The following ARAP2 variants were observed in gnomAD, a reference collection of about 807,000 sequenced individuals.
The protein encoded by ARAP2 is arf-GAP with Rho-GAP domain, ANK repeat and PH domain-containing protein 2.
Under a neutral mutation model 194.5 loss-of-function variants are expected in ARAP2, and 148 were observed. That is an observed-to-expected ratio of 0.76 (90% confidence interval 0.67 to 0.87). The LOEUF (loss-of-function observed/expected upper bound fraction) is 0.87. Ranked by LOEUF, ARAP2 falls within the 40% of genes least tolerant of loss-of-function variation. ARAP2 has a pLI of 0.00. For synonymous variants in ARAP2, 695 were observed against 683.5 expected (o/e 1.02, Z -0.26); for missense variants, 2,128 against 1,989.7 (o/e 1.07, Z -1.32).
chr4:36,159,369 C>T lies in ARAP2; in HGVS notation c.2579G>A (p.Ser860Asn), dbSNP rs182690314. 6.2e-7 allele frequency: 1 copy of T among 1,608,814 alleles called. No individual in the cohort carries two copies. Among genetic ancestry groups the T allele is most frequent in the East Asian group, 2.2e-5 (1 of 44,708 alleles). Residue 860 changes from serine (S) to asparagine (N), a missense_variant, in exon 14 of 33, where the codon AGT becomes AAT. Physicochemically the swap from Ser to Asn is conservative, Grantham distance 46. Transcript: ENST00000303965. The part of the protein sequence containing the change: ...PYLLAKKAGQ[S>N]LQMEFLYHNK... ...ATGGTAGAGAAATTCCATTTGCAGA[C>T]TTTGCCCAGCTTTCTTGGCTAGCAG...
In ARAP2 at chr4:36,228,648, C is replaced by T. The variant is rs199740529; in HGVS notation, c.839G>A (p.Arg280Gln). The T allele has an allele frequency of 3.2e-5, 51 of 1,613,974 alleles. No individual in the cohort carries two copies. Among genetic ancestry groups the T allele is most frequent in the Admixed American group, 1.7e-4 (10 of 59,996 alleles). ...SRSKLVSRPS[R>Q]SFLLRHRPVP... ...AGGTCGATGTCTTAGCAGAAAAGATCGAGATGGTCTTGAAACCAACTTGCT... is the reference window on the plus strand; with the variant it reads ...AGGTCGATGTCTTAGCAGAAAAGATTGAGATGGTCTTGAAACCAACTTGCT... Residue 280 changes from arginine (R) to glutamine (Q), a missense_variant, in exon 2 of 33, where the codon CGA (arginine) becomes CAA (glutamine). By Grantham distance (43) the Arg-to-Gln change is conservative. Coordinates refer to ENST00000303965, the MANE Select transcript of ARAP2 (RefSeq NM_015230.4).
chr4:36,022,885 T>C (rs1027283802), intron 5 of ARAP2, among the ~76,000 whole-genome samples: 29 of 152,306 alleles, frequency 1.9e-4, no homozygotes, highest in African/African-American at 7.0e-4. Flanking sequence ...GAGTTCCCTA[T>C]ACTATTGGTG....
intron 19 of ARAP2, among the ~76,000 whole-genome samples, chr4:36,137,201 A>G (rs991611449): frequency 1.3e-5 from 2 of 151,880 alleles, no homozygotes; most frequent in African/African-American, 2.4e-5. Context: ...TGAAGGCACA[A>G]TATCTGTTTC....
intron 2 of ARAP2, among the ~76,000 whole-genome samples, chr4:36,053,208 C>T (rs1419411494): frequency 1.3e-5 from 2 of 151,928 alleles, no homozygotes; most frequent in Non-Finnish European, 2.9e-5. Flanking sequence ...GTTTTACCAT[C>T]TTGGCCAGGC....
chr4:36,133,480 C>T lies in ARAP2; in HGVS notation c.3264-91G>A, dbSNP rs1336420547. On this transcript the variant is annotated intron_variant, in intron 19 of 32. Transcript: ENST00000303965. ...CAGATTACCCTAAAATCCACACAAT[C>T]ATGCAAGACAAACTCTTCTTTTATC... 5 of 1,160,258 alleles carry T rather than the reference C, an allele frequency of 4.3e-6. No individual in the cohort carries two copies. The East Asian group carries it at 1.3e-4, about 29-fold the overall frequency. 71.9% of individuals were successfully genotyped at this position (1,160,258 alleles called of 1,614,324 possible). A position where few individuals can be genotyped will look rare whatever the true frequency, so the allele number is the denominator to read the frequency against.
chr4:36,189,623 C>T (rs900880811), intron 7 of ARAP2, among the ~76,000 whole-genome samples: 7 of 152,136 alleles, frequency 4.6e-5, no homozygotes, highest in African/African-American at 7.2e-5. Context: ...GTAAGATTCA[C>T]TTTGAAAAAA....
intron 7 of ARAP2, among the ~76,000 whole-genome samples, chr4:36,188,048 T>C (rs1215047066): frequency 2.6e-5 from 4 of 152,238 alleles, no homozygotes; most frequent in African/African-American, 9.6e-5. Context: ...CTCAAAGCTC[T>C]GATGATGAGC....
At chr4:36,092,805 C>T (rs1714082692) in intron 27 of ARAP2, among the ~76,000 whole-genome samples, 3 of 151,598 alleles carry the variant, frequency 2.0e-5, no homozygotes, top group East Asian at 1.9e-4. Context: ...TCTTTTGAAC[C>T]CCACTGGTAT....
At chr4:36,062,654 G>A (rs1167469134), downstream of ARAP2, among the ~76,000 whole-genome samples, 1 of 151,762 alleles carries the variant, frequency 6.6e-6, no homozygotes, top group Non-Finnish European at 1.5e-5. Flanking sequence ...GTGTGTGTGT[G>A]TGTGTGTGTA....
intron 5 of ARAP2, among the ~76,000 whole-genome samples, chr4:36,041,663 C>T (rs1720885886): frequency 6.6e-6 from 1 of 152,078 alleles, no homozygotes; most frequent in Non-Finnish European, 1.5e-5. Context: ...ATCAACAATC[C>T]CATTATTGGG....
chr4:36,165,506 G>A (rs1735079244), intron 10 of ARAP2, among the ~76,000 whole-genome samples: 2 of 151,860 alleles, frequency 1.3e-5, no homozygotes. Flanking sequence ...TGCCATGATA[G>A]TCTGAAACTA....
At chr4:36,082,786 C>G (rs968738911) in intron 29 of ARAP2, among the ~76,000 whole-genome samples, 1 of 152,014 alleles carries the variant, frequency 6.6e-6, no homozygotes, top group African/African-American at 2.4e-5. Flanking sequence ...ATCAAAGTAA[C>G]CTGTGATAAG....
rs769083930 is a variant in ARAP2 at position 36,177,825 on chromosome 4, A to G, written c.1857+2T>C. On this transcript the variant is annotated splice_donor_variant, in intron 9 of 32. Transcript: ENST00000303965. LOFTEE classifies it high-confidence loss of function. ...ATTTGCAATGACTATAACAGAGCTC[A>G]CCTGTTCGTTTTTGCAAAGCCACAC... is the stretch of plus-strand genomic sequence containing the variant. 2.5e-6 allele frequency: 4 copies of G among 1,597,856 alleles called. No individual in the cohort carries two copies. The Admixed American group carries it at 7.1e-5, about 28-fold the overall frequency.
chr4:36,109,779 T>C (rs559783073), intron 26 of ARAP2, among the ~76,000 whole-genome samples: 26 of 151,960 alleles, frequency 1.7e-4, no homozygotes, highest in African/African-American at 6.0e-4. Context: ...TTGTTACATA[T>C]GTATACATGT....
At chr4:36,211,524 C>T (rs1264766499) in intron 5 of ARAP2, among the ~76,000 whole-genome samples, 1 of 152,036 alleles carries the variant, frequency 6.6e-6, no homozygotes, top group Non-Finnish European at 1.5e-5. Flanking sequence ...TTCTAAAAAC[C>T]ATTACTGCCT....
chr4:36,088,008 C>A (rs536361355), intron 28 of ARAP2, among the ~76,000 whole-genome samples: 42 of 152,128 alleles, frequency 2.8e-4, no homozygotes, highest in African/African-American at 1.0e-3. Flanking sequence ...ATGAGATAAT[C>A]CAAATAAAAT....
intron 5 of ARAP2, among the ~76,000 whole-genome samples, chr4:36,031,490 T>C (rs1376435468): frequency 1.3e-5 from 2 of 152,200 alleles, no homozygotes; most frequent in Non-Finnish European, 2.9e-5. Context: ...AGGAAATAAG[T>C]ATTTATATTT....
Position 36,167,040 on chromosome 4 carries a change from T to A in ARAP2, c.1865A>T (p.Lys622Met). ...VWLCKNEQDF[K>M]SGLGITIIPM... The stretch of plus-strand genomic sequence containing the variant: ...AATTATGGTAATACCAAGTCCACTC[T>A]TAAAATCCTAGTTTGGAGAAAAACA... The change falls in exon 10 of 33, where the codon AAG (lysine) becomes ATG (methionine). Residue 622 changes from lysine to methionine, a missense_variant. Transcript: ENST00000303965. The A allele has an allele frequency of 6.5e-7, 1 of 1,543,360 alleles. No individual in the cohort carries two copies. Among genetic ancestry groups the A allele is most frequent in the Non-Finnish European group, 8.8e-7 (1 of 1,141,178 alleles).
chr4:36,147,600 T>G lies in ARAP2; in HGVS notation c.3147A>C (p.Gln1049His), dbSNP rs1729947419. ...MDKSSLHFCL[Q>H]MQEVQGDRMH... is the part of the protein sequence containing the mutation. ...TTCTATCTCCCTGAACTTCTTGCAT[T>G]TGAAGGCAAAAATGCAAGCTGGATT... The change falls in exon 18 of 33, where the codon CAA becomes CAC. Residue 1049 changes from glutamine to histidine, a missense_variant. Transcript: ENST00000303965. 4.3e-6 allele frequency: 7 copies of G among 1,613,518 alleles called. No homozygotes were observed. Among genetic ancestry groups the G allele is most frequent in the Admixed American group, 3.3e-5 (2 of 59,954 alleles).
Sources: gnomAD v4.1 joint callset for allele counts (sites outside exome capture counted in the v4.1 genomes callset) on GRCh38, gnomAD v4.1.1 for gene constraint, MANE v1.5 for transcripts, NCBI Gene and HGNC (gene_info 2026-07-23, HGNC 2026-07-21) for gene names.